PPA1: variants seen among roughly 807,000 people sequenced by gnomAD.
The protein encoded by PPA1 is inorganic pyrophosphatase.
In PPA1, 23 loss-of-function variants were observed where a neutral mutation model predicts 41.8. The ratio of observed to expected loss-of-function variants is 0.55; its 90% CI spans 0.40 to 0.78. The LOEUF (loss-of-function observed/expected upper bound fraction) is 0.78. Among genes scored for constraint, PPA1 ranks in the 30% least tolerant of loss-of-function variants. PPA1 has a pLI of 0.00. For synonymous variants in PPA1, 101 were observed against 116.8 expected (o/e 0.86, Z 0.87); for missense variants, 320 against 361.6 (o/e 0.89, Z 0.93).
intron 2 of PPA1, among the ~76,000 whole-genome samples, chr10:70,225,904 T>C (rs752255726): frequency 2.0e-4 from 31 of 152,206 alleles, no homozygotes; most frequent in Non-Finnish European, 3.8e-4. Flanking sequence ...TAAAAGTATA[T>C]GGATACCTGA....
At chr10:70,204,782 A>T in intron 10 of PPA1, 91 bp downstream of exon 10, 2 of 1,043,320 alleles carry the variant, frequency 1.9e-6, no homozygotes, top group Non-Finnish European at 2.8e-6. Context: ...AAATATATTT[A>T]ATTATCATTT....
At chr10:70,221,015 A>ATT (rs1236363904) in intron 2 of PPA1, among the ~76,000 whole-genome samples, 1 of 70,606 alleles carries the variant, frequency 1.4e-5, no homozygotes, top group African/African-American at 6.9e-5. Context: ...CATATATATA[A>ATT]TTTATATATA....
intron 2 of PPA1, among the ~76,000 whole-genome samples, chr10:70,224,702 C>T (rs923148638): frequency 1.3e-5 from 2 of 151,874 alleles, no homozygotes; most frequent in Non-Finnish European, 2.9e-5. Flanking sequence ...TTCAATGTGT[C>T]TTTATTGAGA....
At chr10:70,216,481 C>T (rs1457239218) in intron 4 of PPA1, among the ~76,000 whole-genome samples, 1 of 94,254 alleles carries the variant, frequency 1.1e-5, no homozygotes, top group African/African-American at 3.6e-5. Context: ...TGCAAGACTC[C>T]GTCTCAAAAA....
rs1273040186 is a variant in PPA1, at chr10:70,233,347, C to A, written c.-20G>T. 1 of 1,532,758 alleles carries A rather than the reference C, an allele frequency of 6.5e-7. No homozygotes were observed. Among genetic ancestry groups the A allele is most frequent in the Non-Finnish European group, 8.8e-7 (1 of 1,141,922 alleles). The allele number at this position is 1,532,758 out of a possible 1,614,324, so 94.9% of individuals were successfully genotyped here. A position where few individuals can be genotyped will look rare whatever the true frequency, so the allele number is the denominator to read the frequency against. The stretch of plus-strand genomic sequence containing the variant: ...GCTCATAGTGCCGGAGTCCTGCCGC[C>A]GCCGCTGCCACAGAGCCACCAGCCC... On this transcript the variant is annotated 5_prime_UTR_variant, in exon 1 of 11. Coordinates refer to ENST00000373232, the MANE Select transcript of PPA1 (RefSeq NM_021129.4).
chr10:70,210,109 T>G, intron 6 of PPA1: 2 of 290,070 alleles, frequency 6.9e-6, no homozygotes, highest in Non-Finnish European at 1.3e-5. Context: ...AGAGACAAGG[T>G]CTCGCTCTGT....
chr10:70,206,853 AGAGGAGAGGAGAGGAGGGGAGGG>A (rs1839946635), intron 8 of PPA1, among the ~76,000 whole-genome samples: 1 of 57,068 alleles, frequency 1.8e-5, no homozygotes, highest in African/African-American at 9.2e-5. Context: ...AATAAGGAGG[AGAGGAGAGGAGAGGAGGGGAGGG>A]GAGGGGAGGG....
chr10:70,220,808 AATTTT>A (rs1840143962), intron 2 of PPA1, among the ~76,000 whole-genome samples: 1 of 40,244 alleles, frequency 2.5e-5, no homozygotes, highest in Non-Finnish European at 3.9e-5. Context: ...TAATATATAT[AATTTT>A]TATATATATT....
chr10:70,209,126 C>T, intron 8 of PPA1, 79 bp downstream of exon 8: 4 of 1,023,854 alleles, frequency 3.9e-6, no homozygotes, highest in Non-Finnish European at 5.9e-6. Context: ...AGTAACAGTA[C>T]AGTGTCTTAT....
chr10:70,232,615 T>C (rs1178502817), intron 1 of PPA1, among the ~76,000 whole-genome samples: 3 of 152,118 alleles, frequency 2.0e-5, no homozygotes, highest in South Asian at 2.1e-4. Flanking sequence ...TCTGTTTGAT[T>C]TGAGGGAAAC....
Position 70,203,158 on chromosome 10 carries a change from G to C in PPA1, c.867C>G (p.Asn289Lys). The change falls in exon 11 of 11, where the codon AAC becomes AAG. Residue 289 changes from asparagine to lysine, a missense_variant. Coordinates refer to ENST00000373232, the MANE Select transcript of PPA1 (RefSeq NM_021129.4). ...CTTGTATTCCAGAGAAATCTCATTAGTTTTTCTGGTGATGGAACCACTTAT... is the reference window on the plus strand; with the variant it reads ...CTTGTATTCCAGAGAAATCTCATTACTTTTTCTGGTGATGGAACCACTTAT... ...DVDKWFHHQK[N>K] is the part of the protein sequence containing the mutation. 6.2e-7 allele frequency: 1 copy of C among 1,608,510 alleles called. No homozygotes were observed. The highest frequency in any genetic ancestry group is 8.5e-7 in the Non-Finnish European group (1 of 1,176,132).
chr10:70,227,650 C>CAAAA (rs11382289), intron 2 of PPA1, among the ~76,000 whole-genome samples: 12 of 75,110 alleles, frequency 1.6e-4, no homozygotes, highest in Non-Finnish European at 2.1e-4. Context: ...AACCCTATCT[C>CAAAA]AAAAAAAAAA....
At chr10:70,207,168 C>T (rs1250732501) in intron 8 of PPA1, among the ~76,000 whole-genome samples, 2 of 151,908 alleles carry the variant, frequency 1.3e-5, no homozygotes, top group African/African-American at 4.8e-5. Context: ...TCTAAGAACC[C>T]AATCCAATAC....
At chr10:70,232,084 G>C (rs371143287) in intron 1 of PPA1, among the ~76,000 whole-genome samples, 1 of 152,164 alleles carries the variant, frequency 6.6e-6, no homozygotes, top group African/African-American at 2.4e-5. Context: ...GGAGAGTGGG[G>C]GGTAGTTCTC....
In PPA1 at chr10:70,217,919, C is replaced by A; in HGVS notation, c.190G>T (p.Asp64Tyr). The A allele has an allele frequency of 6.4e-7, 1 of 1,560,710 alleles. No individual in the cohort carries two copies. The highest frequency in any genetic ancestry group is 1.2e-5 in the South Asian group (1 of 82,788). The change falls in exon 4 of 11, where the codon GAC becomes TAC. Residue 64 changes from aspartate to tyrosine, a missense_variant. Coordinates refer to ENST00000373232, the MANE Select transcript of PPA1 (RefSeq NM_021129.4). ...SNAKMEIATKDPLNPIKQDVK... is the reference protein window; with the variant it reads ...SNAKMEIATKYPLNPIKQDVK... ...TCTTGTTTAATAGGGTTTAAAGGGT[C>A]CTTTGTAGCAATCTGAAATAAGAAA... is the stretch of plus-strand genomic sequence containing the variant.
In PPA1 at chr10:70,213,522, T is replaced by C. The variant is rs2136756858; in HGVS notation, c.452A>G (p.Glu151Gly). The C allele has an allele frequency of 6.2e-7, 1 of 1,614,052 alleles. No individual in the cohort carries two copies. The highest frequency in any genetic ancestry group is 2.2e-5 in the East Asian group (1 of 44,870). The change falls in exon 6 of 11, where the codon GAA becomes GGA. Residue 151 changes from glutamate (E) to glycine (G), a missense_variant. Glu to Gly is a moderately conservative substitution (Grantham distance 98, BLOSUM62 -2). Coordinates refer to ENST00000373232, the MANE Select transcript of PPA1 (RefSeq NM_021129.4). ...AATGGCAATGACTTTCCAGTCGGTT[T>C]CCCCTTCGTCAATCATAGCCAATAT... Reference protein sequence around the residue: ...LGILAMIDEGETDWKVIAINV... With the variant: ...LGILAMIDEGGTDWKVIAINV...
rs1840058250 is a variant in PPA1 at position 70,214,593 on chromosome 10, A to G, written c.298-7T>C. 2 of 1,605,524 alleles carry G rather than the reference A, an allele frequency of 1.2e-6. No individual in the cohort carries two copies. The highest frequency in any genetic ancestry group is 4.5e-5 in the East Asian group (2 of 44,780). Reference sequence around the variant, plus strand: ...GCCCTGGGTCTTCCCAAGTCTAAAAATATAAGACAGTGTATATCATTCCTA... The same window carrying G: ...GCCCTGGGTCTTCCCAAGTCTAAAAGTATAAGACAGTGTATATCATTCCTA... On this transcript the variant is annotated splice_polypyrimidine_tract_variant and splice_region_variant and intron_variant, in intron 4 of 10. Transcript: ENST00000373232.
At chr10:70,209,496 T>A (rs1839990202) in intron 7 of PPA1, 62 bp downstream of exon 7, 1 of 1,513,408 alleles carries the variant, frequency 6.6e-7, no homozygotes, top group Admixed American at 2.2e-5. Context: ...GGTAACAATA[T>A]GGTTAAATTA....
chr10:70,230,218 G>C, intron 2 of PPA1, 123 bp downstream of exon 2: 1 of 1,173,074 alleles, frequency 8.5e-7, no homozygotes, highest in Non-Finnish European at 1.2e-6. Context: ...CTAATCAACA[G>C]ACCTTTAGCT....
Sources: gnomAD v4.1 joint callset for allele counts (sites outside exome capture counted in the v4.1 genomes callset) on GRCh38, gnomAD v4.1.1 for gene constraint, MANE v1.5 for transcripts, NCBI Gene and HGNC (gene_info 2026-07-23, HGNC 2026-07-21) for gene names.